ROR2: variants seen among roughly 807,000 people sequenced by gnomAD.
The protein encoded by ROR2 is ROR family WNT receptor 2, also known as tyrosine-protein kinase transmembrane receptor ROR2.
A neutral mutation model predicts 74.9 loss-of-function variants in ROR2; 33 were observed. That is an observed-to-expected ratio of 0.44 (90% CI 0.33 to 0.59). The LOEUF (loss-of-function observed/expected upper bound fraction) is 0.59, where lower values mean the gene tolerates loss of function less well. Ranked by LOEUF, ROR2 falls within the 20% of genes least tolerant of loss-of-function variation. ROR2 has a pLI of 0.02. For synonymous variants in ROR2, 586 were observed against 558.7 expected (o/e 1.05, Z -0.69); for missense variants, 1,216 against 1,313.8 (o/e 0.93, Z 1.15).
chr9:91,935,482 C>T (rs115489831), intron 1 of ROR2, among the ~76,000 whole-genome samples: 4,056 of 152,356 alleles, frequency 0.027, 184 homozygotes, highest in African/African-American at 0.093. Flanking sequence ...GGGGCATCCA[C>T]TTTGCCTCCT....
At chr9:91,855,688 G>A (rs1355050912) in intron 1 of ROR2, among the ~76,000 whole-genome samples, 11 of 152,142 alleles carry the variant, frequency 7.2e-5, no homozygotes, top group Admixed American at 1.3e-4. Flanking sequence ...GCTGGTTTAC[G>A]GACATCATGA....
chr9:91,926,522 G>A (rs185250647), intron 1 of ROR2, among the ~76,000 whole-genome samples: 16 of 137,174 alleles, frequency 1.2e-4, no homozygotes, highest in Non-Finnish European at 2.5e-4. Context: ...CTCCAGCCTG[G>A]GCGACAGAAT....
intron 1 of ROR2, among the ~76,000 whole-genome samples, chr9:91,848,235 C>A (rs938026843): frequency 6.6e-6 from 1 of 152,134 alleles, no homozygotes; most frequent in South Asian, 2.1e-4. Context: ...TCTTTTCCTG[C>A]GAATCCCCTA....
intron 4 of ROR2, 98 bp downstream of exon 4, chr9:91,755,973 C>T (rs528814460): frequency 3.8e-5 from 51 of 1,340,308 alleles, no homozygotes; most frequent in Non-Finnish European, 4.5e-5. Context: ...CTAGCAAATT[C>T]GGCAAAGACA....
intron 1 of ROR2, among the ~76,000 whole-genome samples, chr9:91,942,540 C>T (rs1432719260): frequency 6.6e-6 from 1 of 152,166 alleles, no homozygotes; most frequent in Non-Finnish European, 1.5e-5. Flanking sequence ...TATCAGTTGG[C>T]ACTTTGCTCT....
chr9:91,813,055 T>C (rs1177012865), intron 1 of ROR2, among the ~76,000 whole-genome samples: 1 of 152,170 alleles, frequency 6.6e-6, no homozygotes, highest in Non-Finnish European at 1.5e-5. Context: ...TTCATCATCA[T>C]TGCCCACAAC....
At chr9:91,740,319 T>C (rs1484219770) in intron 4 of ROR2, among the ~76,000 whole-genome samples, 1 of 151,690 alleles carries the variant, frequency 6.6e-6, no homozygotes, top group African/African-American at 2.4e-5. Flanking sequence ...GAGGCCAAGG[T>C]GGGAGGATCA....
At chr9:91,839,249 GGGGTGTGTGTGTGTGTGTGTGT>G (rs772018156) in intron 1 of ROR2, among the ~76,000 whole-genome samples, 3 of 132,600 alleles carry the variant, frequency 2.3e-5, no homozygotes, top group South Asian at 2.3e-4. Context: ...TGTCAGATCG[GGGGTGTGTGTGTGTGTGTGTGT>G]GTGTGTGTGT....
chr9:91,780,325 C>T (rs959282450), intron 1 of ROR2, among the ~76,000 whole-genome samples: 1 of 151,016 alleles, frequency 6.6e-6, no homozygotes, highest in African/African-American at 2.4e-5. Context: ...TGCAGTGAGC[C>T]GAGATCACGC....
At chr9:91,944,998 C>T (rs984840154) in intron 1 of ROR2, among the ~76,000 whole-genome samples, 2 of 151,926 alleles carry the variant, frequency 1.3e-5, no homozygotes, top group African/African-American at 4.8e-5. Flanking sequence ...AGAGGCTTAG[C>T]CCAGGAGGTT....
chr9:91,832,744 C>A (rs1268537923), intron 1 of ROR2, among the ~76,000 whole-genome samples: 6 of 152,214 alleles, frequency 3.9e-5, no homozygotes, highest in African/African-American at 1.4e-4. Context: ...TGTGACAAAT[C>A]TTTTCATATA....
chr9:91,737,802 TA>T (rs982349713), intron 4 of ROR2, among the ~76,000 whole-genome samples: 4 of 150,156 alleles, frequency 2.7e-5, no homozygotes, highest in Non-Finnish European at 4.5e-5. Flanking sequence ...TATTTAGTGC[TA>T]AAAAAAAATG....
intron 4 of ROR2, among the ~76,000 whole-genome samples, chr9:91,750,281 C>CTATG (rs1825559370): frequency 1.3e-5 from 2 of 152,206 alleles, no homozygotes; most frequent in Admixed American, 1.3e-4. Flanking sequence ...TCTATAATGT[C>CTATG]ACGACAAACA....
chr9:91,824,573 GA>G (rs979336776), intron 1 of ROR2, among the ~76,000 whole-genome samples: 47 of 152,334 alleles, frequency 3.1e-4, no homozygotes, highest in African/African-American at 9.9e-4. Context: ...AATGTAGTAG[GA>G]AACAGAGGAC....
intron 6 of ROR2, 23 bp from the exon 7 acceptor site, chr9:91,731,178 GAA>G (rs756984913): frequency 1.6e-5 from 26 of 1,613,556 alleles, no homozygotes; most frequent in Non-Finnish European, 2.1e-5. Flanking sequence ...AACACGTTAG[GAA>G]AACCTCCGGG....
chr9:91,920,466 C>T (rs2119443266), intron 1 of ROR2, among the ~76,000 whole-genome samples: 1 of 152,224 alleles, frequency 6.6e-6, no homozygotes, highest in African/African-American at 2.4e-5. Context: ...TGATTGCACC[C>T]CTGCACTCCA....
Position 91,737,462 on chromosome 9 carries a change from C to T in ROR2, c.551G>A (p.Arg184His), listed in dbSNP as rs771629583. 15 of 1,614,048 alleles carry T rather than the reference C, an allele frequency of 9.3e-6. No individual in the cohort carries two copies. Among genetic ancestry groups the T allele is most frequent in the South Asian group, 7.7e-5 (7 of 91,080 alleles). ...ATAAATGGTCCGGTTGCCAATGAAGCGTGCACAGGCAATTCCCCGGTAAGG... is the reference window on the plus strand; with the variant it reads ...ATAAATGGTCCGGTTGCCAATGAAGTGTGCACAGGCAATTCCCCGGTAAGG... ...CQPYRGIACA[R>H]FIGNRTIYVD... Residue 184 changes from arginine to histidine, a missense_variant, in exon 5 of 9, where the codon CGC becomes CAC. Transcript: ENST00000375708.
intron 2 of ROR2, among the ~76,000 whole-genome samples, chr9:91,767,403 C>T (rs1231006928): frequency 6.6e-6 from 1 of 152,318 alleles, no homozygotes; most frequent in East Asian, 1.9e-4. Flanking sequence ...AGCCAATCAT[C>T]CAAGTATTCA....
intron 2 of ROR2, among the ~76,000 whole-genome samples, chr9:91,772,387 A>G (rs1184128352): frequency 6.6e-6 from 1 of 152,156 alleles, no homozygotes; most frequent in East Asian, 1.9e-4. Flanking sequence ...CATCCCGCCT[A>G]TGCTGGGGGT....
Sources: gnomAD v4.1 joint callset for allele counts (sites outside exome capture counted in the v4.1 genomes callset) on GRCh38, gnomAD v4.1.1 for gene constraint, MANE v1.5 for transcripts, NCBI Gene and HGNC (gene_info 2026-07-23, HGNC 2026-07-21) for gene names.